Variants in CPEB1 observed in about 807,000 individuals in gnomAD.
CPEB1 encodes the protein cytoplasmic polyadenylation element-binding protein 1.
In CPEB1, 7 loss-of-function variants were observed where a neutral mutation model predicts 65.8. The observed-to-expected ratio is 0.11, with a 90% CI of 0.06 to 0.20. The LOEUF is 0.20. Among genes scored for constraint, CPEB1 ranks in the 10% least tolerant of loss-of-function variants. CPEB1 has a pLI of 1.00. For missense variants in CPEB1, 551 were observed against 712.2 expected, an observed-to-expected ratio of 0.77 and a Z score of 2.58; for synonymous variants, 262 against 260.0, an observed-to-expected ratio of 1.01 and a Z score of -0.08.
At chr15:82,605,907 G>C (rs528792387) in intron 3 of CPEB1, among the ~76,000 whole-genome samples, 1 of 151,994 alleles carries the variant, frequency 6.6e-6, no homozygotes, top group Non-Finnish European at 1.5e-5. Flanking sequence ...GTGTGATGCC[G>C]CATGTCTGTA....
intron 3 of CPEB1, among the ~76,000 whole-genome samples, chr15:82,579,367 T>C (rs1022873429): frequency 1.6e-4 from 25 of 152,040 alleles, no homozygotes; most frequent in African/African-American, 6.0e-4. Context: ...AGGTTGAGGC[T>C]ACGATGAACC....
chr15:82,633,074 G>A (rs2046388836), intron 1 of CPEB1: 1 of 152,170 alleles, frequency 6.6e-6, no homozygotes, highest in South Asian at 2.1e-4. Flanking sequence ...GCCATAAAGT[G>A]AGGTCACTTG....
chr15:82,577,289 G>C (rs114348642), intron 3 of CPEB1, among the ~76,000 whole-genome samples: 1 of 152,054 alleles, frequency 6.6e-6, no homozygotes, highest in South Asian at 2.1e-4. Context: ...GAACTCCTGG[G>C]CTCAAGGGAT....
At chr15:82,603,613 C>G (rs894618921) in intron 3 of CPEB1, among the ~76,000 whole-genome samples, 11 of 152,082 alleles carry the variant, frequency 7.2e-5, no homozygotes, top group African/African-American at 2.4e-4. Context: ...GTGAAGAATA[C>G]AAGAATACTG....
intron 2 of CPEB1, chr15:82,628,149 C>T (rs1419667704): frequency 2.9e-6 from 2 of 696,632 alleles, no homozygotes; most frequent in Non-Finnish European, 5.2e-6. Flanking sequence ...AGTGACAATG[C>T]CATCATTGTT....
chr15:82,620,642 TA>T (rs892195919), intron 3 of CPEB1, among the ~76,000 whole-genome samples: 36 of 147,360 alleles, frequency 2.4e-4, no homozygotes, highest in African/African-American at 5.7e-4. Context: ...TACAAAAACT[TA>T]AAAAAAAAAA....
intron 1 of CPEB1, chr15:82,629,218 G>T: frequency 1.0e-6 from 1 of 974,126 alleles, no homozygotes; most frequent in Non-Finnish European, 1.2e-6. Context: ...ATGGAAAAAG[G>T]ATACCAACTT....
intron 1 of CPEB1, among the ~76,000 whole-genome samples, chr15:82,645,054 C>T (rs921739984): frequency 2.4e-4 from 36 of 152,228 alleles, no homozygotes; most frequent in African/African-American, 8.4e-4. Context: ...GCTCTCCAAC[C>T]TCTGATGTGC....
At chr15:82,567,476 T>A (rs1160586716) in intron 4 of CPEB1, among the ~76,000 whole-genome samples, 1 of 147,028 alleles carries the variant, frequency 6.8e-6, no homozygotes, top group Admixed American at 6.8e-5. Flanking sequence ...GTCTCTACTT[T>A]AAAAAAAAAA....
In CPEB1 at chr15:82,606,783, A is replaced by G. The variant is rs1371633296; in HGVS notation, c.271+20410T>C. On this transcript the variant is annotated intron_variant, in intron 3 of 12. Transcript: ENST00000684509. ...CAGTGAGCCGAGATCCCGCCACTGCACTCCAGCCTGGGCGACAGAGCGAGA... is the reference window on the plus strand; with the variant it reads ...CAGTGAGCCGAGATCCCGCCACTGCGCTCCAGCCTGGGCGACAGAGCGAGA... 1.6e-5 allele frequency among the ~76,000 whole-genome samples: 2 copies of G among 121,254 alleles called. 1 individual carries two copies. 79.5% of individuals were successfully genotyped at this position (121,254 alleles called of 152,430 possible). A position where few individuals can be genotyped will look rare whatever the true frequency, so the allele number is the denominator to read the frequency against.
At chr15:82,566,847 A>G (rs898322044) in intron 4 of CPEB1, among the ~76,000 whole-genome samples, 2 of 152,078 alleles carry the variant, frequency 1.3e-5, no homozygotes, top group Admixed American at 6.6e-5. Flanking sequence ...TGTATGATGA[A>G]AACTTTGTAT....
At position 82,629,640 on chromosome 15, in the gene CPEB1, T is replaced by C. The variant is rs2046074498; in HGVS notation, c.-97-1084A>G. 9.2e-6 allele frequency: 9 copies of C among 980,762 alleles called. No homozygotes were observed. In the South Asian group the frequency reaches 4.2e-4, roughly 46 times the overall value. 60.8% of individuals were successfully genotyped at this position (980,762 alleles called of 1,614,324 possible). A position where few individuals can be genotyped will look rare whatever the true frequency, so the allele number is the denominator to read the frequency against. Reference sequence around the variant, plus strand: ...AAGCAATGAAATATTGGTTGACAGATTGAGTTTTTTAAGGGGAGCCTGCCT... The same window carrying C: ...AAGCAATGAAATATTGGTTGACAGACTGAGTTTTTTAAGGGGAGCCTGCCT... On this transcript the variant is annotated intron_variant, in intron 1 of 12. Coordinates refer to ENST00000684509, the MANE Select transcript of CPEB1 (RefSeq NM_001365242.1).
At chr15:82,570,622 G>A (rs1015977435) in intron 4 of CPEB1, among the ~76,000 whole-genome samples, 45 of 151,920 alleles carry the variant, frequency 3.0e-4, no homozygotes, top group African/African-American at 1.1e-3. Context: ...GGGCTGCCAA[G>A]AAGTCCCTTT....
intron 1 of CPEB1, among the ~76,000 whole-genome samples, chr15:82,646,829 G>A (rs774657306): frequency 5.3e-5 from 8 of 152,118 alleles, no homozygotes; most frequent in East Asian, 1.9e-4. Flanking sequence ...GGACCCCTTT[G>A]TGGGTGAGTC....
At chr15:82,593,572 C>T (rs568248540) in intron 3 of CPEB1, among the ~76,000 whole-genome samples, 1 of 152,312 alleles carries the variant, frequency 6.6e-6, no homozygotes, top group Non-Finnish European at 1.5e-5. Context: ...CAACTTCTTC[C>T]AAATTCCTAT....
At position 82,558,688 on chromosome 15, in the gene CPEB1, C is replaced by T. The variant is rs575598239; in HGVS notation, c.461-702G>A. ...GCTTCTCTGACCCTCTGTTTTCTCA[C>T]TGGCATTTAGGGTGGAGTATCAACT... On this transcript the variant is annotated intron_variant, in intron 4 of 12. Transcript: ENST00000684509. Among the ~76,000 whole-genome samples the T allele has an allele frequency of 1.4e-4, 21 of 152,302 alleles. No individual in the cohort carries two copies. The South Asian group carries it at 2.3e-3, about 17-fold the overall frequency.
intron 3 of CPEB1, among the ~76,000 whole-genome samples, chr15:82,591,625 T>C (rs1470178053): frequency 2.0e-5 from 3 of 152,154 alleles, no homozygotes; most frequent in African/African-American, 7.2e-5. Context: ...GTTGTCCACA[T>C]GTATGTCTTC....
chr15:82,558,743 A>G (rs776397277), intron 4 of CPEB1, among the ~76,000 whole-genome samples: 2 of 152,202 alleles, frequency 1.3e-5, no homozygotes, highest in Non-Finnish European at 2.9e-5. Flanking sequence ...ACAGCTCAAT[A>G]ATTAGATACC....
chr15:82,590,274 CTG>C (rs2042138367), intron 3 of CPEB1, among the ~76,000 whole-genome samples: 1 of 138,616 alleles, frequency 7.2e-6, no homozygotes, highest in Admixed American at 7.3e-5. Flanking sequence ...TAAGAAAACT[CTG>C]TAATTCAAGA....
Sources: gnomAD v4.1 joint callset for allele counts (sites outside exome capture counted in the v4.1 genomes callset) on GRCh38, gnomAD v4.1.1 for gene constraint, MANE v1.5 for transcripts, NCBI Gene and HGNC (gene_info 2026-07-23, HGNC 2026-07-21) for gene names.